ADGRA3: variants seen among roughly 807,000 people sequenced by gnomAD.
ADGRA3 encodes adhesion G protein-coupled receptor A3, also known as G-protein coupled receptor 125.
Under a neutral mutation model 119.8 loss-of-function variants are expected in ADGRA3, and 56 were observed. The ratio of observed to expected loss-of-function variants is 0.47; its 90% CI spans 0.38 to 0.58. The LOEUF (loss-of-function observed/expected upper bound fraction) is 0.58, where lower values mean the gene tolerates loss of function less well. Ranked by LOEUF, ADGRA3 falls within the 20% of genes least tolerant of loss-of-function variation. ADGRA3 has a pLI of 0.00. For missense variants in ADGRA3, 1,516 were observed against 1,649.0 expected, an observed-to-expected ratio of 0.92 and a Z score of 1.40; for synonymous variants, 607 against 623.8, an observed-to-expected ratio of 0.97 and a Z score of 0.40.
At position 22,449,882 on chromosome 4, in the gene ADGRA3, C is replaced by T. The variant is rs139197732; in HGVS notation, c.474-2371G>A. On this transcript the variant is annotated intron_variant, in intron 4 of 18. Coordinates refer to ENST00000334304, the MANE Select transcript of ADGRA3 (RefSeq NM_145290.4). ...AAAAATGAATTGCATCTTACAGCAA[C>T]CACTAGGTTCTAATATGCATATTAT... Among the ~76,000 whole-genome samples the T allele has an allele frequency of 1.8e-4, 27 of 151,570 alleles. No homozygotes were observed. The East Asian group carries it at 5.2e-3, about 29-fold the overall frequency.
intron 10 of ADGRA3, among the ~76,000 whole-genome samples, chr4:22,425,694 C>T (rs746446101): frequency 6.6e-6 from 1 of 152,158 alleles, no homozygotes; most frequent in Non-Finnish European, 1.5e-5. Flanking sequence ...TTGATCATCC[C>T]AGAAGATCTC....
chr4:22,443,243 A>G lies in ADGRA3; in HGVS notation c.707-380T>C, dbSNP rs945881131. 6.0e-6 allele frequency: 3 copies of G among 502,584 alleles called. No homozygotes were observed. In the African/African-American group the frequency reaches 6.0e-5, roughly 10 times the overall value. The allele number at this position is 502,584 out of a possible 1,614,324, so 31.1% of individuals were successfully genotyped here. A position where few individuals can be genotyped will look rare whatever the true frequency, so the allele number is the denominator to read the frequency against. On this transcript the variant is annotated intron_variant, in intron 6 of 18. Coordinates refer to ENST00000334304, the MANE Select transcript of ADGRA3 (RefSeq NM_145290.4). The stretch of plus-strand genomic sequence containing the variant: ...GGAGACTGCAATACCTTTGATTACA[A>G]CACGAGTTTTTGGCTGTAAAACTAA...
intron 1 of ADGRA3, among the ~76,000 whole-genome samples, chr4:22,477,870 G>T (rs568606660): frequency 4.6e-5 from 7 of 152,160 alleles, no homozygotes; most frequent in Non-Finnish European, 1.0e-4. Context: ...AATCTACTCT[G>T]CAGACAGCTT....
chr4:22,426,764 A>G (rs1204240419), intron 10 of ADGRA3, among the ~76,000 whole-genome samples: 1 of 152,196 alleles, frequency 6.6e-6, no homozygotes, highest in African/African-American at 2.4e-5. Context: ...GAAGATATTA[A>G]CAAGATCAAA....
At chr4:22,401,959 T>G (rs1451272418) in intron 15 of ADGRA3, among the ~76,000 whole-genome samples, 1 of 152,180 alleles carries the variant, frequency 6.6e-6, no homozygotes, top group Non-Finnish European at 1.5e-5. Context: ...GGCGCAGGTC[T>G]AAACACTCAA....
Position 22,389,146 on chromosome 4 carries a change from A to G in ADGRA3, c.2665T>C (p.Cys889Arg). The change falls in exon 18 of 19, where the codon TGC becomes CGC. Residue 889 changes from cysteine (C) to arginine (R), a missense_variant. This residue lies in a region of ADGRA3 where 1,088 missense variants were observed against 1,107.1 expected (regional missense o/e 0.98). Coordinates refer to ENST00000334304, the MANE Select transcript of ADGRA3 (RefSeq NM_145290.4). ...ATGTTCGCTGCTGCAGTTATGCCGCAAACAATGATGGGGATACCACCACCA... is the reference window on the plus strand; with the variant it reads ...ATGTTCGCTGCTGCAGTTATGCCGCGAACAATGATGGGGATACCACCACCA... Reference protein sequence around the residue: ...LIGGGIPIIVCGITAAANIKN... With the variant: ...LIGGGIPIIVRGITAAANIKN... 6.2e-7 allele frequency: 1 copy of G among 1,614,048 alleles called. No homozygotes were observed. Among genetic ancestry groups the G allele is most frequent in the Non-Finnish European group, 8.5e-7 (1 of 1,179,918 alleles).
chr4:22,474,350 T>C (rs1717962016), intron 1 of ADGRA3, among the ~76,000 whole-genome samples: 1 of 152,194 alleles, frequency 6.6e-6, no homozygotes, highest in African/African-American at 2.4e-5. Flanking sequence ...TGTGTAAAAA[T>C]ATGCTTTTCA....
Position 22,413,245 on chromosome 4 carries a change from G to A in ADGRA3, c.2169C>T (p.Leu723=). 1 of 1,614,034 alleles carries A rather than the reference G, an allele frequency of 6.2e-7. No homozygotes were observed. The highest frequency in any genetic ancestry group is 8.5e-7 in the Non-Finnish European group (1 of 1,179,940). Residue 723 remains leucine, a synonymous_variant, in exon 14 of 19, where the codon CTC becomes CTT. Coordinates refer to ENST00000334304, the MANE Select transcript of ADGRA3 (RefSeq NM_145290.4). Reference sequence around the variant, plus strand: ...TCGTAGTGATATTTTCATCTGAATAGAGTATATGGCACCCATCTGACTTCC... The same window carrying A: ...TCGTAGTGATATTTTCATCTGAATAAAGTATATGGCACCCATCTGACTTCC... ...GGWKSDGCHI[L]YSDENITTIQ...
chr4:22,402,766 C>T lies in ADGRA3; in HGVS notation c.2266G>A (p.Ala756Thr). 6.2e-7 allele frequency: 1 copy of T among 1,613,682 alleles called. No individual in the cohort carries two copies. ...LTGSELYTQA[A>T]SLLHPVVYTT... ...TAAACCACAGGATGCAGGAGGCTGG[C>T]CGCCTGGGTGTATAGTTCAGATCCC... The change falls in exon 15 of 19, where the codon GCC (alanine) becomes ACC (threonine). Residue 756 changes from alanine to threonine, a missense_variant. Physicochemically the swap from Ala to Thr is moderately conservative, Grantham distance 58. Around this residue, in one of 2 missense-constraint regions of ADGRA3, gnomAD observed 1,088 missense variants for 1,107.1 expected, o/e 0.98. Transcript: ENST00000334304.
At chr4:22,414,122 C>A in intron 12 of ADGRA3, 1 of 249,672 alleles carries the variant, frequency 4.0e-6, no homozygotes, top group Non-Finnish European at 7.6e-6. Context: ...TAGCATTAAA[C>A]AGATCAAGGA....
At chr4:22,487,091 C>T (rs1718454917) in intron 1 of ADGRA3, among the ~76,000 whole-genome samples, 1 of 152,216 alleles carries the variant, frequency 6.6e-6, no homozygotes, top group African/African-American at 2.4e-5. Context: ...ATCTGCTCCA[C>T]CACACCAGTC....
chr4:22,477,035 TTAAG>T (rs1025730231), intron 1 of ADGRA3, among the ~76,000 whole-genome samples: 3 of 152,184 alleles, frequency 2.0e-5, no homozygotes, highest in African/African-American at 7.2e-5. Flanking sequence ...TTTTATTTTT[TTAAG>T]TATTTTTCCT....
At chr4:22,515,411 C>G in intron 1 of ADGRA3, 117 bp downstream of exon 1, 1 of 1,277,988 alleles carries the variant, frequency 7.8e-7, no homozygotes, top group Non-Finnish European at 1.0e-6. Context: ...GCACCGCCCC[C>G]TGCCTACAGC....
chr4:22,450,245 C>T (rs1716985373), intron 4 of ADGRA3, among the ~76,000 whole-genome samples: 1 of 151,724 alleles, frequency 6.6e-6, no homozygotes, highest in African/African-American at 2.4e-5. Flanking sequence ...AAGTTACCCA[C>T]CCACCCCCAT....
intron 12 of ADGRA3, chr4:22,414,752 A>G: frequency 1.8e-6 from 1 of 561,632 alleles, no homozygotes; most frequent in East Asian, 3.0e-5. Flanking sequence ...CTCCTATAGC[A>G]CAACCTAAAA....
At chr4:22,440,261 A>C (rs1716559655) in intron 7 of ADGRA3, among the ~76,000 whole-genome samples, 1 of 152,188 alleles carries the variant, frequency 6.6e-6, no homozygotes, top group African/African-American at 2.4e-5. Context: ...CAATACTTTT[A>C]ATATCTAAAA....
At position 22,388,234 on chromosome 4, in the gene ADGRA3, G is replaced by A; in HGVS notation, c.3437C>T (p.Ser1146Leu). 4 of 1,614,006 alleles carry A rather than the reference G, an allele frequency of 2.5e-6. 1 individual carries two copies. Among genetic ancestry groups the A allele is most frequent in the Non-Finnish European group, 3.4e-6 (4 of 1,179,958 alleles). The change falls in exon 19 of 19, where the codon TCA (serine) becomes TTA (leucine). Residue 1146 changes from serine to leucine, a missense_variant. Physicochemically the swap from Ser to Leu is moderately radical, Grantham distance 145 (BLOSUM62 -2). Coordinates refer to ENST00000334304, the MANE Select transcript of ADGRA3 (RefSeq NM_145290.4). ...GTGCATTTTAATATCATTGTCCATT[G>A]AATGTTCTGTCAGACTATTATCAAG... ...PQLDNSLTEH[S>L]MDNDIKMHVA... is the part of the protein sequence containing the mutation.
chr4:22,432,565 A>G (rs1716229683), intron 10 of ADGRA3, among the ~76,000 whole-genome samples: 1 of 152,236 alleles, frequency 6.6e-6, no homozygotes, highest in African/African-American at 2.4e-5. Context: ...ATATTTTAAA[A>G]TAAGAGACAA....
At chr4:22,501,585 A>G (rs1407342483) in intron 1 of ADGRA3, among the ~76,000 whole-genome samples, 1 of 152,152 alleles carries the variant, frequency 6.6e-6, no homozygotes, top group African/African-American at 2.4e-5. Flanking sequence ...TTATTCATTG[A>G]CTGCAGGTCC....
Sources: gnomAD v4.1 joint callset for allele counts (sites outside exome capture counted in the v4.1 genomes callset) on GRCh38, gnomAD v4.1.1 for gene constraint, gnomAD v4.1.1 regional missense constraint, MANE v1.5 for transcripts, NCBI Gene and HGNC (gene_info 2026-07-23, HGNC 2026-07-21) for gene names.